The following THRB variants were observed in gnomAD, a reference collection of about 807,000 sequenced individuals.
The protein encoded by THRB is thyroid hormone receptor beta, also known as nuclear receptor subfamily 1 group A member 2.
THRB carries 12 observed loss-of-function variants against 47.8 expected under a neutral mutation model. The observed-to-expected ratio is 0.25, with a 90% confidence interval of 0.16 to 0.41. The LOEUF is 0.41. Among genes scored for constraint, THRB ranks in the 10% least tolerant of loss-of-function variants. The pLI is 1.00. For synonymous variants in THRB, 218 were observed against 212.2 expected (o/e 1.03, Z -0.24); for missense variants, 348 against 589.2 (o/e 0.59, Z 4.24).
At chr3:24,280,772 G>A (rs1046870154) in intron 3 of THRB, among the ~76,000 whole-genome samples, 12 of 151,954 alleles carry the variant, frequency 7.9e-5, no homozygotes, top group Non-Finnish European at 1.2e-4. Flanking sequence ...ACCAAGGCTC[G>A]AGAACTACGT....
chr3:24,208,492 A>T (rs2045651334), intron 4 of THRB, among the ~76,000 whole-genome samples: 1 of 152,228 alleles, frequency 6.6e-6, no homozygotes, highest in Admixed American at 6.5e-5. Context: ...TACTGGTACC[A>T]AAACAGAGAT....
chr3:24,365,009 A>C (rs17014584), intron 1 of THRB, among the ~76,000 whole-genome samples: 3,025 of 152,266 alleles, frequency 0.02, 34 homozygotes, highest in South Asian at 0.034. Flanking sequence ...GTTACTTCCA[A>C]ATATATACAG....
Position 24,240,843 on chromosome 3 carries a change from C to CTCATCCATTTA in THRB, c.-42-11843_-42-11842insTAAATGGATGA, listed in dbSNP as rs1559706538. ...CCAGGGCCCACATGTTGAGAACCAC[C>CTCATCCATTTA]AGCCTGATCCATTTAAGAACATGTT... On this transcript the variant is annotated intron_variant, in intron 3 of 10. Transcript: ENST00000646209. Among the ~76,000 whole-genome samples, 1,093 of 152,238 alleles carry CTCATCCATTTA rather than the reference C, an allele frequency of 7.2e-3. 17 individuals are homozygous for CTCATCCATTTA. Among genetic ancestry groups the CTCATCCATTTA allele is most frequent in the African/African-American group, 0.025 (1,019 of 41,526 alleles).
At chr3:24,443,160 C>T (rs1157095532) in intron 1 of THRB, among the ~76,000 whole-genome samples, 2 of 152,106 alleles carry the variant, frequency 1.3e-5, no homozygotes, top group Admixed American at 6.6e-5. Flanking sequence ...AGCCTGGCAA[C>T]AGAGTGAGAT....
chr3:24,355,390 C>A (rs763295579), intron 1 of THRB, among the ~76,000 whole-genome samples: 2 of 152,082 alleles, frequency 1.3e-5, no homozygotes, highest in African/African-American at 4.8e-5. Flanking sequence ...AGCATGATAT[C>A]CTGGAATGGA....
chr3:24,323,033 A>G (rs1468750161), intron 2 of THRB, among the ~76,000 whole-genome samples: 2 of 152,004 alleles, frequency 1.3e-5, no homozygotes, highest in Non-Finnish European at 2.9e-5. Context: ...CTTGTTTCCC[A>G]TTCACTCCCA....
intron 1 of THRB, among the ~76,000 whole-genome samples, chr3:24,426,580 C>T (rs1268094344): frequency 6.6e-6 from 1 of 151,782 alleles, no homozygotes. Context: ...AATAGTGTAC[C>T]CGAGATGCTC....
At chr3:24,300,405 A>T (rs889775339) in intron 2 of THRB, among the ~76,000 whole-genome samples, 1 of 152,244 alleles carries the variant, frequency 6.6e-6, no homozygotes, top group African/African-American at 2.4e-5. Flanking sequence ...TATCCATGAT[A>T]CACGTGCACC....
intron 3 of THRB, among the ~76,000 whole-genome samples, chr3:24,271,547 CTAT>C (rs138175548): frequency 3.9e-5 from 6 of 152,152 alleles, no homozygotes; most frequent in African/African-American, 9.6e-5. Context: ...CAGAGTATTT[CTAT>C]TATTATTTTT....
intron 1 of THRB, among the ~76,000 whole-genome samples, chr3:24,385,493 C>G (rs74954677): frequency 0.012 from 1,897 of 152,166 alleles, 15 homozygotes; most frequent in Non-Finnish European, 0.019. Flanking sequence ...TGTTGTCACA[C>G]TCTCTAAGTG....
intron 9 of THRB, among the ~76,000 whole-genome samples, chr3:24,128,839 C>G (rs1427574604): frequency 7.1e-6 from 1 of 140,854 alleles, no homozygotes; most frequent in African/African-American, 2.5e-5. Context: ...GAATCCAATG[C>G]CAAGAGAAGA....
At chr3:24,419,428 C>T (rs960215432) in intron 1 of THRB, among the ~76,000 whole-genome samples, 4 of 151,830 alleles carry the variant, frequency 2.6e-5, no homozygotes, top group African/African-American at 9.7e-5. Flanking sequence ...AGATGGAAAG[C>T]CAATCTAGGC....
chr3:24,290,437 T>G (rs531106989), intron 3 of THRB, among the ~76,000 whole-genome samples: 20 of 152,326 alleles, frequency 1.3e-4, no homozygotes, highest in African/African-American at 4.8e-4. Flanking sequence ...TTCTCTCCAG[T>G]GAGCATCATA....
At chr3:24,242,912 T>C (rs1216501895) in intron 3 of THRB, among the ~76,000 whole-genome samples, 1 of 152,008 alleles carries the variant, frequency 6.6e-6, no homozygotes, top group Non-Finnish European at 1.5e-5. Flanking sequence ...AGCAAGATTT[T>C]TGGCTGCCTC....
intron 5 of THRB, among the ~76,000 whole-genome samples, chr3:24,170,352 T>G (rs958433929): frequency 6.6e-6 from 1 of 152,198 alleles, no homozygotes; most frequent in African/African-American, 2.4e-5. Context: ...ATCTCCTAAC[T>G]GGACTCCCTT....
chr3:24,283,986 A>G (rs1484663176), intron 3 of THRB, among the ~76,000 whole-genome samples: 2,106 of 128,314 alleles, frequency 0.016, 58 homozygotes, highest in African/African-American at 0.056. Flanking sequence ...AATCAATATC[A>G]TGAAAATGGC....
At chr3:24,223,367 C>T (rs1377506710) in intron 4 of THRB, among the ~76,000 whole-genome samples, 1 of 152,116 alleles carries the variant, frequency 6.6e-6, no homozygotes, top group African/African-American at 2.4e-5. Flanking sequence ...CCAAAGAGCC[C>T]ATTGAGGTCT....
At chr3:24,283,405 A>G (rs2150867748) in intron 3 of THRB, among the ~76,000 whole-genome samples, 1 of 151,644 alleles carries the variant, frequency 6.6e-6, no homozygotes, top group East Asian at 1.9e-4. Context: ...AAAAACTCTC[A>G]ATAAATTAGG....
At chr3:24,414,208 C>A (rs2068556366) in intron 1 of THRB, among the ~76,000 whole-genome samples, 1 of 151,848 alleles carries the variant, frequency 6.6e-6, no homozygotes, top group South Asian at 2.1e-4. Context: ...GAAAACACAT[C>A]TTTTTAAAGA....
Sources: gnomAD v4.1 joint callset for allele counts (sites outside exome capture counted in the v4.1 genomes callset) on GRCh38, gnomAD v4.1.1 for gene constraint, MANE v1.5 for transcripts, NCBI Gene and HGNC (gene_info 2026-07-23, HGNC 2026-07-21) for gene names.